MRI1: variants seen among roughly 807,000 people sequenced by gnomAD.
The protein encoded by MRI1 is methylthioribose-1-phosphate isomerase 1, also known as methylthioribose-1-phosphate isomerase.
In MRI1, 32 loss-of-function variants were observed where a neutral mutation model predicts 27.3. The ratio of observed to expected loss-of-function variants is 1.17; its 90% confidence interval spans 0.88 to 1.57. The LOEUF is 1.57. Among genes scored for constraint, MRI1 ranks in the 40% most tolerant of loss-of-function variants. MRI1 has a pLI of 0.00. For synonymous variants in MRI1, 216 were observed against 227.4 expected, an observed-to-expected ratio of 0.95 and a Z score of 0.45; for missense variants, 508 against 516.1, an observed-to-expected ratio of 0.98 and a Z score of 0.15.
intron 5 of MRI1, among the ~76,000 whole-genome samples, chr19:13,770,827 G>C (rs2145204188): frequency 6.6e-6 from 1 of 152,088 alleles, no homozygotes; most frequent in South Asian, 2.1e-4. Context: ...AGGTTGCAAT[G>C]AGCCAAGATA....
Position 13,773,014 on chromosome 19 carries a change from G to A in MRI1, c.*733G>A, listed in dbSNP as rs1457132260. ...TATTTTAAAGCAATATTTTGTTTTGGGTTTTTTTTTTTTGAGATCAAGTAT... is the reference window on the plus strand; with the variant it reads ...TATTTTAAAGCAATATTTTGTTTTGAGTTTTTTTTTTTTGAGATCAAGTAT... On this transcript the variant is annotated 3_prime_UTR_variant, in exon 6 of 6. Coordinates refer to ENST00000040663, the MANE Select transcript of MRI1 (RefSeq NM_001031727.4). 12 of 127,174 alleles carry A rather than the reference G, an allele frequency of 9.4e-5. No individual in the cohort carries two copies. The highest frequency in any genetic ancestry group is 2.3e-4 in the Admixed American group (3 of 13,220). 7.9% of individuals were successfully genotyped at this position (127,174 alleles called of 1,614,324 possible).
rs777005904 is a variant in MRI1 at position 13,768,916 on chromosome 19, G to A, written c.817G>A (p.Gly273Ser). 1.9e-6 allele frequency: 3 copies of A among 1,613,996 alleles called. No homozygotes were observed. The African/African-American group carries it at 4.0e-5, about 22-fold the overall frequency. ...GCTGGCCATTGTCGCCAAGCACCAT[G>A]GCATTCCCTTCTACGTGGCTGCCCC... ...YQLAIVAKHHGIPFYVAAPSS... is the reference protein window; with the variant it reads ...YQLAIVAKHHSIPFYVAAPSS... Residue 273 changes from glycine (G) to serine (S), a missense_variant, in exon 5 of 6, where the codon GGC (glycine) becomes AGC (serine). Gly to Ser is a moderately conservative substitution (Grantham distance 56). Around this residue, in one of 3 missense-constraint regions of MRI1, gnomAD observed 457 missense variants for 452.8 expected, o/e 1.01. Coordinates refer to ENST00000040663, the MANE Select transcript of MRI1 (RefSeq NM_001031727.4).
intron 3 of MRI1, among the ~76,000 whole-genome samples, chr19:13,767,035 ATATTTTTTTTTTTTT>A (rs1386834820): frequency 2.2e-3 from 40 of 18,502 alleles, no homozygotes; most frequent in African/African-American, 0.011. Context: ...ATATATATAT[ATATTTTTTTTTTTTT>A]TTTTTTTTTT....
At chr19:13,767,932 A>G (rs1418595441) in intron 3 of MRI1, among the ~76,000 whole-genome samples, 5 of 130,454 alleles carry the variant, frequency 3.8e-5, no homozygotes, top group Admixed American at 1.9e-4. Flanking sequence ...GCAGTGGCGC[A>G]GTCTCGGCTC....
intron 2 of MRI1, 28 bp from the exon 3 acceptor site, chr19:13,765,926 T>G (rs761353753): frequency 6.4e-7 from 1 of 1,559,386 alleles, no homozygotes; most frequent in Non-Finnish European, 8.7e-7. Context: ...TCCTGGTGGC[T>G]GGTGCTGAAA....
chr19:13,767,907 TGCCCA>T (rs1203136418), intron 3 of MRI1, among the ~76,000 whole-genome samples: 1 of 139,022 alleles, frequency 7.2e-6, no homozygotes, highest in South Asian at 2.3e-4. Flanking sequence ...CTTGCACTGT[TGCCCA>T]GGCTGGAGTG....
rs923571999 is a variant in MRI1, at chr19:13,772,204, G to A, written c.1033G>A (p.Ala345Thr). Reference protein sequence around the residue: ...GGIITELGVFAPEELRTALTT... With the variant: ...GGIITELGVFTPEELRTALTT... The stretch of plus-strand genomic sequence containing the variant: ...CATCATCACAGAACTGGGGGTCTTT[G>A]CCCCTGAGGAGCTCCGGACAGCCCT... The change falls in exon 6 of 6, where the codon GCC becomes ACC. Residue 345 changes from alanine (A) to threonine (T), a missense_variant. Around this residue, in one of 3 missense-constraint regions of MRI1, gnomAD observed 457 missense variants for 452.8 expected, o/e 1.01. Coordinates refer to ENST00000040663, the MANE Select transcript of MRI1 (RefSeq NM_001031727.4). 4 of 1,614,056 alleles carry A rather than the reference G, an allele frequency of 2.5e-6. No homozygotes were observed. Among genetic ancestry groups the A allele is most frequent in the Non-Finnish European group, 3.4e-6 (4 of 1,179,980 alleles).
At position 13,766,024 on chromosome 19, in the gene MRI1, G is replaced by A. The variant is rs961486469; in HGVS notation, c.442G>A (p.Ala148Thr). The change falls in exon 3 of 6, where the codon GCC becomes ACC. Residue 148 changes from alanine (A) to threonine (T), a missense_variant. Ala to Thr is a moderately conservative substitution (Grantham distance 58, BLOSUM62 0). Coordinates refer to ENST00000040663, the MANE Select transcript of MRI1 (RefSeq NM_001031727.4). ...CAACCGAAGCATTGGGGACCTAGGA[G>A]CCCGCCACCTCCTGGAGCGGGTGGC... is the stretch of plus-strand genomic sequence containing the variant. ...RDNRSIGDLGARHLLERVAPS... is the reference protein window; with the variant it reads ...RDNRSIGDLGTRHLLERVAPS... The A allele has an allele frequency of 1.2e-6, 2 of 1,613,210 alleles. No individual in the cohort carries two copies. Among genetic ancestry groups the A allele is most frequent in the Non-Finnish European group, 1.7e-6 (2 of 1,179,874 alleles).
chr19:13,765,880 G>C, intron 2 of MRI1, 74 bp from the exon 3 acceptor site: 1 of 1,493,208 alleles, frequency 6.7e-7, no homozygotes, highest in South Asian at 1.3e-5. Flanking sequence ...GGACAGCAGC[G>C]TTAGGCAGAG....
intron 3 of MRI1, chr19:13,768,324 G>T: frequency 9.6e-7 from 1 of 1,037,086 alleles, no homozygotes; most frequent in South Asian, 1.4e-5. Context: ...TGATATATCA[G>T]GGAAGGCTTC....
At chr19:13,771,632 C>T (rs755753169) in intron 5 of MRI1, among the ~76,000 whole-genome samples, 15 of 152,090 alleles carry the variant, frequency 9.9e-5, no homozygotes, top group Non-Finnish European at 1.9e-4. Flanking sequence ...GAGGCCGAGG[C>T]GGGCAGATCA....
At position 13,772,105 on chromosome 19, in the gene MRI1, C is replaced by A. The variant is rs376549752; in HGVS notation, c.950-16C>A. On this transcript the variant is annotated splice_polypyrimidine_tract_variant and intron_variant, in intron 5 of 5. Transcript: ENST00000040663. ...AGCAAATTCTTGCCTCCTTGCCTCC[C>A]CTCTCTCCCCTGCAGGGATTGGAGT... 3.1e-6 allele frequency: 5 copies of A among 1,593,906 alleles called. No individual in the cohort carries two copies. The Admixed American group carries it at 7.0e-5, about 22-fold the overall frequency.
chr19:13,765,329 G>A lies in MRI1; in HGVS notation c.371+220G>A, dbSNP rs146782228. On this transcript the variant is annotated intron_variant, in intron 2 of 5. Coordinates refer to ENST00000040663, the MANE Select transcript of MRI1 (RefSeq NM_001031727.4). ...AGTCTAGCCTGGGCAGCCTGGCCCT[G>A]AAACCTAACTCCTTAATCGTGCCTC... Among the ~76,000 whole-genome samples, 960 of 152,246 alleles carry A rather than the reference G, an allele frequency of 6.3e-3. 10 individuals are homozygous for A. Among genetic ancestry groups the A allele is most frequent in the African/African-American group, 0.022 (908 of 41,544 alleles).
chr19:13,764,539 G>C lies in MRI1; in HGVS notation c.-50G>C, dbSNP rs1400967175. ...ACGGCCCCGCCCCGCTCCCAAGTGC[G>C]CGCGGACCCCTAGCTCCCTCTGAGT... On this transcript the variant is annotated 5_prime_UTR_variant, in exon 1 of 6. Coordinates refer to ENST00000040663, the MANE Select transcript of MRI1 (RefSeq NM_001031727.4). 5.0e-6 allele frequency: 8 copies of C among 1,589,508 alleles called. No individual in the cohort carries two copies. The highest frequency in any genetic ancestry group is 1.9e-4 in the Middle Eastern group (1 of 5,180).
intron 5 of MRI1, among the ~76,000 whole-genome samples, chr19:13,770,038 C>A (rs976040233): frequency 6.6e-6 from 1 of 152,136 alleles, no homozygotes; most frequent in Admixed American, 6.5e-5. Context: ...TGGCCTCAAG[C>A]GATCCTCCTG....
chr19:13,771,956 T>C (rs1255782619), intron 5 of MRI1, among the ~76,000 whole-genome samples, 165 bp from the exon 6 acceptor site: 4 of 152,198 alleles, frequency 2.6e-5, no homozygotes, highest in African/African-American at 9.7e-5. Context: ...AAACTTACTA[T>C]TGAGTACAAT....
Position 13,766,149 on chromosome 19 carries a change from G to A in MRI1, c.547+20G>A. The A allele has an allele frequency of 6.7e-7, 1 of 1,503,132 alleles. No individual in the cohort carries two copies. Among genetic ancestry groups the A allele is most frequent in the Non-Finnish European group, 8.9e-7 (1 of 1,124,622 alleles). The allele number at this position is 1,503,132 out of a possible 1,614,324, so 93.1% of individuals were successfully genotyped here. A position where few individuals can be genotyped will look rare whatever the true frequency, so the allele number is the denominator to read the frequency against. ...CCCTAGGTGAGAGGGCCTCCTCAGG[G>A]GGTAGGGGAGGGCCTTCTAGGAACT... On this transcript the variant is annotated intron_variant, in intron 3 of 5. Transcript: ENST00000040663.
chr19:13,765,078 G>T lies in MRI1; in HGVS notation c.340G>T (p.Glu114Ter). 6.5e-7 allele frequency: 1 copy of T among 1,534,778 alleles called. No homozygotes were observed. Among genetic ancestry groups the T allele is most frequent in the Non-Finnish European group, 8.7e-7 (1 of 1,146,526 alleles). Residue 114 changes from glutamate to a stop codon, truncating the protein, a stop_gained, in exon 2 of 6, where the codon GAG becomes TAG. Transcript: ENST00000040663. LOFTEE classifies it high-confidence loss of function. ...ADVAAREAEREGATEEAVRER... is the reference protein window; with the variant it reads ...ADVAAREAER ...TGTTGCAGCCCGGGAGGCCGAACGG[G>T]AGGGCGCTACGGAAGAGGCGGTCCG...
chr19:13,764,805 G>T (rs1483979192), intron 1 of MRI1, 66 bp from the exon 2 acceptor site: 2 of 1,181,228 alleles, frequency 1.7e-6, no homozygotes, highest in East Asian at 7.0e-5. Context: ...GCGGCGGGGC[G>T]GCCGGGTTGG....
Sources: gnomAD v4.1 joint callset for allele counts (sites outside exome capture counted in the v4.1 genomes callset) on GRCh38, gnomAD v4.1.1 for gene constraint, gnomAD v4.1.1 regional missense constraint, MANE v1.5 for transcripts, NCBI Gene and HGNC (gene_info 2026-07-23, HGNC 2026-07-21) for gene names.